The following ZFAND3 variants were observed in gnomAD, a reference collection of about 807,000 sequenced individuals.
The protein encoded by ZFAND3 is AN1-type zinc finger protein 3.
ZFAND3 carries 10 observed loss-of-function variants against 29.6 expected under a neutral mutation model. The ratio of observed to expected loss-of-function variants is 0.34; its 90% CI spans 0.21 to 0.57. ZFAND3 has a LOEUF of 0.57. Ranked by LOEUF, ZFAND3 falls within the 20% of genes least tolerant of loss-of-function variation. The pLI, the probability that ZFAND3 is intolerant of heterozygous loss-of-function variation, is 0.86. For synonymous variants in ZFAND3, 128 were observed against 112.6 expected, an observed-to-expected ratio of 1.14 and a Z score of -0.87; for missense variants, 230 against 304.5, an observed-to-expected ratio of 0.76 and a Z score of 1.82.
At chr6:37,868,701 C>CA (rs1365184845) in intron 1 of ZFAND3, among the ~76,000 whole-genome samples, 1 of 152,196 alleles carries the variant, frequency 6.6e-6, no homozygotes, top group African/African-American at 2.4e-5. Context: ...AACAACCTTA[C>CA]ATTCCTGTGA....
chr6:37,964,707 G>A (rs1254626649), intron 2 of ZFAND3, among the ~76,000 whole-genome samples: 1 of 152,204 alleles, frequency 6.6e-6, no homozygotes, highest in Non-Finnish European at 1.5e-5. Flanking sequence ...GGTCTATCAT[G>A]CATTCCGGCA....
At chr6:38,027,480 T>C (rs2127449986) in intron 2 of ZFAND3, among the ~76,000 whole-genome samples, 1 of 152,372 alleles carries the variant, frequency 6.6e-6, no homozygotes, top group Non-Finnish European at 1.5e-5. Flanking sequence ...GCATCTTTTT[T>C]ATAATAGAGC....
At chr6:38,055,799 G>C (rs1400353186) in intron 2 of ZFAND3, among the ~76,000 whole-genome samples, 1 of 152,190 alleles carries the variant, frequency 6.6e-6, no homozygotes, top group African/African-American at 2.4e-5. Flanking sequence ...GATGCTAAGA[G>C]TACCCTTAAA....
intron 2 of ZFAND3, among the ~76,000 whole-genome samples, chr6:38,029,810 C>G (rs1345091428): frequency 6.6e-6 from 1 of 152,058 alleles, no homozygotes; most frequent in African/African-American, 2.4e-5. Flanking sequence ...TATAAATTAT[C>G]GTCATGTATT....
At chr6:37,961,354 G>A (rs911482204) in intron 2 of ZFAND3, among the ~76,000 whole-genome samples, 1 of 152,220 alleles carries the variant, frequency 6.6e-6, no homozygotes, top group Non-Finnish European at 1.5e-5. Flanking sequence ...ACACCAGGTG[G>A]ACATCTAAGG....
chr6:38,084,429 C>T (rs1764720975), intron 4 of ZFAND3, among the ~76,000 whole-genome samples: 1 of 152,126 alleles, frequency 6.6e-6, no homozygotes, highest in Non-Finnish European at 1.5e-5. Flanking sequence ...ATAATATGCT[C>T]ACCTAATAGA....
chr6:37,830,420 A>T (rs1349528489), intron 1 of ZFAND3, among the ~76,000 whole-genome samples: 1 of 152,164 alleles, frequency 6.6e-6, no homozygotes, highest in Admixed American at 6.5e-5. Flanking sequence ...GGTGAATGAG[A>T]TGTTCTGTCT....
intron 5 of ZFAND3, among the ~76,000 whole-genome samples, chr6:38,120,123 G>A (rs1765500977): frequency 6.6e-6 from 1 of 152,040 alleles, no homozygotes; most frequent in South Asian, 2.1e-4. Flanking sequence ...CCTGAAAATG[G>A]ATCTATTTGT....
chr6:37,975,170 T>A (rs1762457806), intron 2 of ZFAND3, among the ~76,000 whole-genome samples: 1 of 152,206 alleles, frequency 6.6e-6, no homozygotes, highest in South Asian at 2.1e-4. Flanking sequence ...TCTTTTTAAT[T>A]TTAGACCTTC....
intron 2 of ZFAND3, among the ~76,000 whole-genome samples, chr6:38,032,485 G>T (rs1375037841): frequency 6.6e-6 from 1 of 152,202 alleles, no homozygotes; most frequent in Non-Finnish European, 1.5e-5. Flanking sequence ...TGTCTTTAGT[G>T]TCAGAGCAGA....
intron 1 of ZFAND3, among the ~76,000 whole-genome samples, chr6:37,929,707 A>T (rs935507041): frequency 2.0e-5 from 3 of 152,104 alleles, no homozygotes; most frequent in Non-Finnish European, 2.9e-5. Flanking sequence ...ATAAAAGCAA[A>T]CATTGGCTAA....
At chr6:37,824,795 C>T (rs1022000289) in intron 1 of ZFAND3, among the ~76,000 whole-genome samples, 1 of 152,138 alleles carries the variant, frequency 6.6e-6, no homozygotes, top group African/African-American at 2.4e-5. Context: ...GTTAGTATTT[C>T]ATTTTTATAA....
intron 3 of ZFAND3, among the ~76,000 whole-genome samples, chr6:38,078,156 A>G (rs1764590365): frequency 6.6e-6 from 1 of 152,204 alleles, no homozygotes; most frequent in African/African-American, 2.4e-5. Context: ...AACAATTTCT[A>G]CTTGTTGGGA....
rs187484103 is a variant in ZFAND3 at position 38,017,772 on chromosome 6, T to C, written c.113-43821T>C. On this transcript the variant is annotated intron_variant, in intron 2 of 5. Coordinates refer to ENST00000287218, the MANE Select transcript of ZFAND3 (RefSeq NM_021943.3). ...CGGGAAACTCCCTTTACAGTTTACC[T>C]TCCTAGGCAATGATACAGACCTGTT... is the stretch of plus-strand genomic sequence containing the variant. Among the ~76,000 whole-genome samples, 715 of 152,256 alleles carry C rather than the reference T, an allele frequency of 4.7e-3. 6 individuals are homozygous for C. The highest frequency in any genetic ancestry group is 0.017 in the African/African-American group (689 of 41,532).
intron 2 of ZFAND3, among the ~76,000 whole-genome samples, chr6:38,011,137 TGTTTTCATGTA>T (rs748670373): frequency 1.7e-4 from 26 of 152,322 alleles, no homozygotes; most frequent in Non-Finnish European, 3.7e-4. Context: ...TCATTCATGT[TGTTTTCATGTA>T]GTTTGTTCCT....
At chr6:38,113,422 C>T (rs1765357257) in intron 4 of ZFAND3, among the ~76,000 whole-genome samples, 1 of 152,152 alleles carries the variant, frequency 6.6e-6, no homozygotes, top group Admixed American at 6.5e-5. Context: ...TACTGCCTAC[C>T]AGAACAAATA....
intron 2 of ZFAND3, among the ~76,000 whole-genome samples, chr6:38,010,939 T>C (rs1763139693): frequency 6.8e-6 from 1 of 146,204 alleles, no homozygotes; most frequent in Non-Finnish European, 1.5e-5. Flanking sequence ...AGATGAGGAC[T>C]CACTGTGTTG....
chr6:37,918,292 G>A (rs1028104441), intron 1 of ZFAND3, among the ~76,000 whole-genome samples: 1 of 152,210 alleles, frequency 6.6e-6, no homozygotes, highest in East Asian at 1.9e-4. Flanking sequence ...AGCCAGGATG[G>A]TCTCGATCTC....
chr6:37,877,674 T>G (rs1764818069), intron 1 of ZFAND3, among the ~76,000 whole-genome samples: 1 of 152,230 alleles, frequency 6.6e-6, no homozygotes, highest in African/African-American at 2.4e-5. Flanking sequence ...ATGCTTGATA[T>G]TGCTTACTTG....
Sources: gnomAD v4.1 joint callset for allele counts (sites outside exome capture counted in the v4.1 genomes callset) on GRCh38, gnomAD v4.1.1 for gene constraint, MANE v1.5 for transcripts, NCBI Gene and HGNC (gene_info 2026-07-23, HGNC 2026-07-21) for gene names.